Variants in GOLGA5 observed in about 807,000 individuals in gnomAD.
GOLGA5 encodes golgin A5.
GOLGA5 carries 50 observed loss-of-function variants against 93.5 expected under a neutral mutation model. The observed-to-expected ratio is 0.53, with a 90% confidence interval of 0.43 to 0.68. The LOEUF is 0.68. Among genes scored for constraint, GOLGA5 ranks in the 30% least tolerant of loss-of-function variants. GOLGA5 has a pLI of 0.00. For synonymous variants in GOLGA5, 312 were observed against 304.5 expected, an observed-to-expected ratio of 1.02 and a Z score of -0.26; for missense variants, 760 against 856.4, an observed-to-expected ratio of 0.89 and a Z score of 1.40.
chr14:92,796,721 C>A (rs12437430), intron 1 of GOLGA5, among the ~76,000 whole-genome samples: 106,798 of 145,420 alleles, frequency 0.73, 39,692 homozygotes, highest in East Asian at 0.84. Context: ...CTGTAATCCC[C>A]GCACTTTGGG....
intron 8 of GOLGA5, among the ~76,000 whole-genome samples, chr14:92,824,024 A>G (rs917824954): frequency 6.6e-6 from 1 of 152,090 alleles, no homozygotes; most frequent in Non-Finnish European, 1.5e-5. Flanking sequence ...ACTGCTTTAT[A>G]TAAAACTATT....
chr14:92,839,411 C>G lies in GOLGA5; in HGVS notation c.2161C>G (p.Pro721Ala). 5 of 1,611,650 alleles carry G rather than the reference C, an allele frequency of 3.1e-6. No homozygotes were observed. The highest frequency in any genetic ancestry group is 4.2e-6 in the Non-Finnish European group (5 of 1,178,752). The change falls in exon 13 of 13, where the codon CCA (proline) becomes GCA (alanine). Residue 721 changes from proline to alanine, a missense_variant. Coordinates refer to ENST00000163416, the MANE Select transcript of GOLGA5 (RefSeq NM_005113.4). ...WVMIVLLTYTPEMHHDQPYGK is the reference protein window; with the variant it reads ...WVMIVLLTYTAEMHHDQPYGK ...CATGATTGTTCTGTTGACTTACACA[C>G]CAGAAATGCACCACGACCAACCATA... is the stretch of plus-strand genomic sequence containing the variant.
At chr14:92,816,469 T>C in intron 7 of GOLGA5, 48 bp downstream of exon 7, 1 of 1,510,902 alleles carries the variant, frequency 6.6e-7, no homozygotes, top group Non-Finnish European at 9.1e-7. Context: ...TACCCTCAGG[T>C]GTTAACAGTT....
intron 9 of GOLGA5, among the ~76,000 whole-genome samples, chr14:92,828,826 A>C (rs1885471124): frequency 6.6e-6 from 1 of 152,046 alleles, no homozygotes; most frequent in South Asian, 2.1e-4. Context: ...ATGCCAGCAC[A>C]CTGGGCTAAT....
At chr14:92,808,639 T>G (rs1885040197) in intron 3 of GOLGA5, among the ~76,000 whole-genome samples, 2 of 143,924 alleles carry the variant, frequency 1.4e-5, no homozygotes, top group Admixed American at 7.1e-5. Context: ...GGCAACAGAG[T>G]GAGGCTCTGT....
chr14:92,822,268 CAG>C (rs539896889), intron 8 of GOLGA5, among the ~76,000 whole-genome samples: 2 of 152,172 alleles, frequency 1.3e-5, no homozygotes, highest in Admixed American at 6.5e-5. Flanking sequence ...AAATGTTTAA[CAG>C]AGTCTCTAGC....
chr14:92,806,818 T>C lies in GOLGA5; in HGVS notation c.627T>C (p.Pro209=), dbSNP rs1884997224. 6.2e-7 allele frequency: 1 copy of C among 1,613,686 alleles called. No individual in the cohort carries two copies. Among genetic ancestry groups the C allele is most frequent in the African/African-American group, 1.3e-5 (1 of 74,918 alleles). ...KENVSSNAAC[P]DHTPTPNDDG... ...ATGTGTCATCAAATGCTGCCTGCCC[T>C]GACCACACCCCAACACCTAATGATG... The change falls in exon 3 of 13, where the codon CCT becomes CCC. Residue 209 remains proline (P), a synonymous_variant. Coordinates refer to ENST00000163416, the MANE Select transcript of GOLGA5 (RefSeq NM_005113.4).
chr14:92,810,003 G>T (rs910774403), intron 4 of GOLGA5, among the ~76,000 whole-genome samples: 3 of 152,206 alleles, frequency 2.0e-5, no homozygotes, highest in African/African-American at 7.2e-5. Flanking sequence ...ACCTTGAGAT[G>T]CATTGTTAGC....
At chr14:92,829,126 G>A (rs2140332827) in intron 9 of GOLGA5, among the ~76,000 whole-genome samples, 1 of 152,188 alleles carries the variant, frequency 6.6e-6, no homozygotes, top group South Asian at 2.1e-4. Flanking sequence ...TACCACGCCT[G>A]GCTACTTTTG....
At chr14:92,798,344 A>T (rs192111354) in intron 2 of GOLGA5, among the ~76,000 whole-genome samples, 69 of 152,306 alleles carry the variant, frequency 4.5e-4, no homozygotes, top group Non-Finnish European at 5.9e-4. Flanking sequence ...TGTTACTAGG[A>T]TTATAAAAAT....
chr14:92,803,241 T>TTA (rs1439266915), intron 2 of GOLGA5, among the ~76,000 whole-genome samples: 1 of 152,132 alleles, frequency 6.6e-6, no homozygotes, highest in Non-Finnish European at 1.5e-5. Flanking sequence ...CTCACTATAT[T>TTA]GCCAGGCTAG....
chr14:92,828,874 G>A (rs1885472289), intron 9 of GOLGA5, among the ~76,000 whole-genome samples: 2 of 152,132 alleles, frequency 1.3e-5, no homozygotes, highest in African/African-American at 4.8e-5. Context: ...TTGCCATGTT[G>A]GGCAGGTTGG....
chr14:92,831,191 C>G (rs1224251830), intron 9 of GOLGA5, among the ~76,000 whole-genome samples: 1 of 152,180 alleles, frequency 6.6e-6, no homozygotes, highest in Admixed American at 6.5e-5. Context: ...AGCACAACCA[C>G]TTTGGAAAAC....
chr14:92,814,467 G>A (rs58045731), intron 6 of GOLGA5, among the ~76,000 whole-genome samples: 12,182 of 152,030 alleles, frequency 0.08, 1,680 homozygotes, highest in African/African-American at 0.28. Flanking sequence ...AGAGTTCCGG[G>A]GTGCGCTGGG....
At chr14:92,837,287 G>T in intron 11 of GOLGA5, 99 bp from the exon 12 acceptor site, 2 of 646,142 alleles carry the variant, frequency 3.1e-6, no homozygotes, top group Admixed American at 2.7e-5. Flanking sequence ...TAGTTTAAAT[G>T]AGTTAAATTT....
chr14:92,794,927 C>G (rs1182265440), intron 1 of GOLGA5, among the ~76,000 whole-genome samples: 1 of 152,196 alleles, frequency 6.6e-6, no homozygotes, highest in East Asian at 1.9e-4. Flanking sequence ...GGGGAATTGA[C>G]GGGTGCCTCT....
rs1464623233 is a variant in GOLGA5 at position 92,839,508 on chromosome 14, C to G, written c.*62C>G. The G allele has an allele frequency of 1.9e-6, 2 of 1,045,924 alleles. No individual in the cohort carries two copies. Among genetic ancestry groups the G allele is most frequent in the Non-Finnish European group, 3.0e-6 (2 of 674,738 alleles). 64.8% of individuals were successfully genotyped at this position (1,045,924 alleles called of 1,614,324 possible). On this transcript the variant is annotated 3_prime_UTR_variant, in exon 13 of 13. Coordinates refer to ENST00000163416, the MANE Select transcript of GOLGA5 (RefSeq NM_005113.4). ...TCTAGACTTGGGATCTGCAAGAAGGCCAATTGCCTAAAATTTCTGAGAACA... is the reference window on the plus strand; with the variant it reads ...TCTAGACTTGGGATCTGCAAGAAGGGCAATTGCCTAAAATTTCTGAGAACA...
intron 8 of GOLGA5, among the ~76,000 whole-genome samples, chr14:92,821,889 A>G (rs544915374): frequency 1.3e-5 from 2 of 152,320 alleles, no homozygotes; most frequent in South Asian, 2.1e-4. Flanking sequence ...AAAGGCAACA[A>G]TTTAATGTTC....
At chr14:92,801,465 T>C (rs1435110496) in intron 2 of GOLGA5, among the ~76,000 whole-genome samples, 1 of 152,182 alleles carries the variant, frequency 6.6e-6, no homozygotes, top group African/African-American at 2.4e-5. Flanking sequence ...TTTATCAACT[T>C]TTTTCTGTTA....
Sources: gnomAD v4.1 joint callset for allele counts (sites outside exome capture counted in the v4.1 genomes callset) on GRCh38, gnomAD v4.1.1 for gene constraint, MANE v1.5 for transcripts, NCBI Gene and HGNC (gene_info 2026-07-23, HGNC 2026-07-21) for gene names.